The following B4GALNT4 variants were observed in gnomAD, a reference collection of about 807,000 sequenced individuals.
B4GALNT4 encodes N-acetyl-beta-glucosaminyl-glycoprotein 4-beta-N-acetylgalactosaminyltransferase 1.
In B4GALNT4, 77 loss-of-function variants were observed where a neutral mutation model predicts 110.0. The observed-to-expected ratio is 0.70, with a 90% CI of 0.58 to 0.85. The LOEUF (loss-of-function observed/expected upper bound fraction) is 0.85. Ranked by LOEUF, B4GALNT4 falls within the 40% of genes least tolerant of loss-of-function variation. The pLI is 0.00. For synonymous variants in B4GALNT4, 785 were observed against 655.5 expected, an observed-to-expected ratio of 1.20 and a Z score of -3.02; for missense variants, 1,575 against 1,506.0, an observed-to-expected ratio of 1.05 and a Z score of -0.76.
Position 381,999 on chromosome 11 carries a change from C to A in B4GALNT4, c.*207C>A. 2.1e-6 allele frequency: 1 copy of A among 477,222 alleles called. No homozygotes were observed. The highest frequency in any genetic ancestry group is 3.6e-6 in the Non-Finnish European group (1 of 281,052). The allele number at this position is 477,222 out of a possible 1,614,324, so 29.6% of individuals were successfully genotyped here. On this transcript the variant is annotated 3_prime_UTR_variant, in exon 20 of 20. Transcript: ENST00000329962. ...GGTCAGGGCCTGGCCTTGGTCCCCA[C>A]TCTGCGATGATTTCTGTGAAATTTT...
intron 6 of B4GALNT4, 25 bp downstream of exon 6, chr11:373,316 CG>C (rs1376870201): frequency 1.3e-6 from 2 of 1,595,416 alleles, no homozygotes; most frequent in African/African-American, 2.7e-5. Context: ...GCCCTGGTGT[CG>C]TCCCGGGCCT....
In B4GALNT4 at chr11:381,782, G is replaced by T. The variant is rs928846241; in HGVS notation, c.3110G>T (p.Gly1037Val). ...CGCAGCAGGAAGGGCTCTCGCACGG[G>T]GGCGTCTTGAGGACGGGCAGCCCCT... Reference protein sequence around the residue: ...SVRSRKGSRTGAS With the variant: ...SVRSRKGSRTVAS Residue 1037 changes from glycine to valine, a missense_variant, in exon 20 of 20, where the codon GGG becomes GTG. Gly to Val is a moderately radical substitution (Grantham distance 109). Transcript: ENST00000329962. The T allele has an allele frequency of 1.2e-5, 19 of 1,580,778 alleles. No individual in the cohort carries two copies. Among genetic ancestry groups the T allele is most frequent in the Admixed American group, 5.6e-5 (3 of 53,354 alleles).
chr11:376,179 G>A lies in B4GALNT4; in HGVS notation c.1196+5G>A. 1 of 1,608,150 alleles carries A rather than the reference G, an allele frequency of 6.2e-7. No individual in the cohort carries two copies. Among genetic ancestry groups the A allele is most frequent in the African/African-American group, 1.3e-5 (1 of 74,694 alleles). On this transcript the variant is annotated splice_donor_5th_base_variant and intron_variant, in intron 12 of 19. Transcript: ENST00000329962. The stretch of plus-strand genomic sequence containing the variant: ...GTCTCCGCTGTATCTGGAGAGGTGG[G>A]CGCGCGGCCGGGCTAATGCGGGGCG...
chr11:376,941 G>T lies in B4GALNT4; in HGVS notation c.1818G>T (p.Thr606=). The T allele has an allele frequency of 7.0e-7, 1 of 1,436,470 alleles. No individual in the cohort carries two copies. Among genetic ancestry groups the T allele is most frequent in the Non-Finnish European group, 9.1e-7 (1 of 1,100,050 alleles). The allele number at this position is 1,436,470 out of a possible 1,614,324, so 89.0% of individuals were successfully genotyped here. ...TQGGREGQAR[T]LGPAAPTVDS... Reference sequence around the variant, plus strand: ...GGGGCCGGGAGGGCCAGGCGCGCACGCTGGGACCTGCGGCGCCCACAGTGG... The same window carrying T: ...GGGGCCGGGAGGGCCAGGCGCGCACTCTGGGACCTGCGGCGCCCACAGTGG... Residue 606 remains threonine (T), a synonymous_variant, in exon 14 of 20, where the codon ACG becomes ACT. Coordinates refer to ENST00000329962, the MANE Select transcript of B4GALNT4 (RefSeq NM_178537.5).
At position 376,585 on chromosome 11, in the gene B4GALNT4, C is replaced by T; in HGVS notation, c.1462C>T (p.Pro488Ser). 7.4e-7 allele frequency: 1 copy of T among 1,358,950 alleles called. No homozygotes were observed. Among genetic ancestry groups the T allele is most frequent in the Middle Eastern group, 2.7e-4 (1 of 3,664 alleles). 84.2% of individuals were successfully genotyped at this position (1,358,950 alleles called of 1,614,324 possible). ...TCCCCGCCCCCGGGACGGGGGGACC[C>T]CCAGGCACTCCCGGGCCCTGAGCTG... ...TPPRPRDGGT[P>S]RHSRALSWAA... is the part of the protein sequence containing the mutation. The change falls in exon 14 of 20, where the codon CCC becomes TCC. Residue 488 changes from proline to serine, a missense_variant. Pro to Ser is a moderately conservative substitution (Grantham distance 74). Transcript: ENST00000329962.
chr11:373,381 G>C, intron 6 of B4GALNT4, 68 bp from the exon 7 acceptor site: 1 of 1,561,520 alleles, frequency 6.4e-7, no homozygotes, highest in South Asian at 1.1e-5. Context: ...GGACCCGATG[G>C]GTTTGGTGTC....
chr11:380,017 C>G lies in B4GALNT4; in HGVS notation c.2640C>G (p.Pro880=), dbSNP rs1452263249. ...GGGCCCTGCGCGCCGCGCGCCTGCCCCGGTAACGACCCCTACTTCCACCTG... is the reference window on the plus strand; with the variant it reads ...GGGCCCTGCGCGCCGCGCGCCTGCCGCGGTAACGACCCCTACTTCCACCTG... The part of the protein sequence containing the change: ...VERALRAARL[P]RYQYLRRTGN... Residue 880 remains proline, a splice_region_variant and synonymous_variant, in exon 16 of 20, where the codon CCC becomes CCG. Transcript: ENST00000329962. 1 of 1,611,672 alleles carries G rather than the reference C, an allele frequency of 6.2e-7. No individual in the cohort carries two copies. The highest frequency in any genetic ancestry group is 8.5e-7 in the Non-Finnish European group (1 of 1,178,880).
intron 2 of B4GALNT4, 99 bp downstream of exon 2, chr11:372,311 A>T (rs1202041256): frequency 9.0e-7 from 1 of 1,110,598 alleles, no homozygotes. Flanking sequence ...TGGAGGACGC[A>T]GCAGGGGGCA....
At chr11:381,036 C>A (rs1390646291) in intron 19 of B4GALNT4, 85 bp downstream of exon 19, 6 of 1,526,158 alleles carry the variant, frequency 3.9e-6, no homozygotes, top group South Asian at 1.2e-5. Flanking sequence ...TTATGCCCCC[C>A]ACGGCGCCCA....
At position 373,133 on chromosome 11, in the gene B4GALNT4, GC is replaced by G. The variant is rs772256044; in HGVS notation, c.535+21del. The G allele has an allele frequency of 6.2e-7, 1 of 1,612,516 alleles. No homozygotes were observed. The highest frequency in any genetic ancestry group is 1.7e-5 in the Admixed American group (1 of 60,012). ...CGAGGGACGGTACGGGGGTGAGGGT[GC>G]CCCGGGGGAGGGGTGCCGTGAGGCT... On this transcript the variant is annotated intron_variant, in intron 5 of 19. Coordinates refer to ENST00000329962, the MANE Select transcript of B4GALNT4 (RefSeq NM_178537.5).
intron 6 of B4GALNT4, 24 bp from the exon 7 acceptor site, chr11:373,423 ACC>A: frequency 3.2e-6 from 3 of 938,986 alleles, no homozygotes; most frequent in African/African-American, 3.0e-5. Context: ...CCCCCCCACC[ACC>A]ACCCCTGCTC....
chr11:373,000 G>A (rs746843758), intron 4 of B4GALNT4, 26 bp from the exon 5 acceptor site: 13 of 1,612,388 alleles, frequency 8.1e-6, no homozygotes, highest in African/African-American at 4.0e-5. Context: ...AGGGGGCTTC[G>A]ACAGCAACAG....
rs976097608 is a variant in B4GALNT4, at chr11:376,314, G to C, written c.1260G>C (p.Glu420Asp). ...AGGGGGATGAGGATGAAGAAGACGA[G>C]GTGCAGCGCCGAGCCTTCCTCTTCC... The part of the protein sequence containing the change: ...KEEGDEDEED[E>D]VQRRAFLFLN... The change falls in exon 13 of 20, where the codon GAG becomes GAC. Residue 420 changes from glutamate to aspartate, a missense_variant. Glu to Asp is a conservative substitution (Grantham distance 45). Transcript: ENST00000329962. 3.7e-6 allele frequency: 6 copies of C among 1,610,026 alleles called. No homozygotes were observed. The highest frequency in any genetic ancestry group is 1.7e-5 in the Admixed American group (1 of 59,872).
chr11:375,549 G>T, intron 9 of B4GALNT4, 22 bp downstream of exon 9: 1 of 1,608,372 alleles, frequency 6.2e-7, no homozygotes. Context: ...CGCCTCTGGG[G>T]ATGTGGGGCT....
intron 14 of B4GALNT4, among the ~76,000 whole-genome samples, chr11:377,561 C>A (rs928029883): frequency 6.6e-6 from 1 of 152,198 alleles, no homozygotes; most frequent in Non-Finnish European, 1.5e-5. Flanking sequence ...TGGAGCCCCA[C>A]CCAGGGCTGG....
At chr11:370,412 T>C (rs1846596496) in intron 1 of B4GALNT4, among the ~76,000 whole-genome samples, 2 of 151,648 alleles carry the variant, frequency 1.3e-5, no homozygotes, top group African/African-American at 4.8e-5. Flanking sequence ...GGCCGGGGCT[T>C]GCTGAAGTGG....
chr11:372,640 T>A (rs1385953413), intron 2 of B4GALNT4, 22 bp from the exon 3 acceptor site: 1 of 1,602,756 alleles, frequency 6.2e-7, no homozygotes, highest in Non-Finnish European at 8.5e-7. Flanking sequence ...ACCCTGACCC[T>A]GTTGCCTTTT....
intron 19 of B4GALNT4, chr11:381,288 A>C (rs1033556067): frequency 3.4e-5 from 13 of 383,746 alleles, no homozygotes; most frequent in African/African-American, 6.5e-5. Flanking sequence ...GGACCAGGGT[A>C]CTGACCACCT....
At position 376,057 on chromosome 11, in the gene B4GALNT4, G is replaced by A. The variant is rs1554914738; in HGVS notation, c.1096-17G>A. On this transcript the variant is annotated splice_polypyrimidine_tract_variant and intron_variant, in intron 11 of 19. Coordinates refer to ENST00000329962, the MANE Select transcript of B4GALNT4 (RefSeq NM_178537.5). ...GGGAGGTCCGCGCCCTGAGCCCTGCGCCCCCCCACCCCCCAGGTGTACCTG... is the reference window on the plus strand; with the variant it reads ...GGGAGGTCCGCGCCCTGAGCCCTGCACCCCCCCACCCCCCAGGTGTACCTG... 11 of 1,579,364 alleles carry A rather than the reference G, an allele frequency of 7.0e-6. No homozygotes were observed. The highest frequency in any genetic ancestry group is 2.2e-5 in the East Asian group (1 of 44,630).
Sources: gnomAD v4.1 joint callset for allele counts (sites outside exome capture counted in the v4.1 genomes callset) on GRCh38, gnomAD v4.1.1 for gene constraint, MANE v1.5 for transcripts, NCBI Gene and HGNC (gene_info 2026-07-23, HGNC 2026-07-21) for gene names.